The following IGF1R variants were observed in gnomAD, a reference collection of about 807,000 sequenced individuals.
IGF1R encodes the protein insulin-like growth factor 1 receptor.
Under a neutral mutation model 144.6 loss-of-function variants are expected in IGF1R, and 44 were observed. That is an observed-to-expected ratio of 0.30 (90% confidence interval 0.24 to 0.39). The LOEUF (loss-of-function observed/expected upper bound fraction) is 0.39, where lower values mean the gene tolerates loss of function less well. IGF1R is among the 10% of genes least tolerant of loss of function. The probability of loss-of-function intolerance (pLI) is 1.00; values close to 1 mark genes in which losing one functional copy is unlikely to be tolerated. For synonymous variants in IGF1R, 795 were observed against 722.8 expected (o/e 1.10, Z -1.60); for missense variants, 1,355 against 1,833.7 (o/e 0.74, Z 4.77).
rs1308976685 is a variant in IGF1R at position 98,908,795 on chromosome 15, A to G, written c.1358A>G (p.Lys453Arg). ...AGKMYFAFNP[K>R]LCVSEIYRME... Reference sequence around the variant, plus strand: ...AAAATGTACTTTGCTTTCAATCCCAAATTATGTGTTTCCGAAATTTACCGC... The same window carrying G: ...AAAATGTACTTTGCTTTCAATCCCAGATTATGTGTTTCCGAAATTTACCGC... Residue 453 changes from lysine (K) to arginine (R), a missense_variant, in exon 6 of 21, where the codon AAA (lysine) becomes AGA (arginine). This residue lies in a region of IGF1R where 880 missense variants were observed against 1,202.7 expected (regional missense o/e 0.73). Transcript: ENST00000650285. 3 of 1,614,134 alleles carry G rather than the reference A, an allele frequency of 1.9e-6. No homozygotes were observed. Among genetic ancestry groups the G allele is most frequent in the African/African-American group, 2.7e-5 (2 of 75,044 alleles).
At chr15:98,674,405 C>T (rs1345838458) in intron 1 of IGF1R, among the ~76,000 whole-genome samples, 32 of 152,176 alleles carry the variant, frequency 2.1e-4, no homozygotes, top group Admixed American at 2.1e-3. Flanking sequence ...AATATCATCA[C>T]CCTAGGCTTC....
At chr15:98,881,800 C>T (rs1397256916) in intron 2 of IGF1R, among the ~76,000 whole-genome samples, 1 of 152,192 alleles carries the variant, frequency 6.6e-6, no homozygotes, top group East Asian at 1.9e-4. Context: ...GATAATGATA[C>T]TGCCCCCTTG....
intron 2 of IGF1R, among the ~76,000 whole-genome samples, chr15:98,847,346 G>A (rs2011371038): frequency 6.6e-6 from 1 of 152,140 alleles, no homozygotes; most frequent in Admixed American, 6.5e-5. Context: ...TGCCGTGTCA[G>A]TCCATACCCT....
In IGF1R at chr15:98,961,026, C is replaced by T. The variant is rs745823551; in HGVS notation, c.*3584C>T. Reference sequence around the variant, plus strand: ...CTGATGATTTCGCTGGGAAGTGTGGCGGGCAGCTTTGCCTAAGCGTGGATG... The same window carrying T: ...CTGATGATTTCGCTGGGAAGTGTGGTGGGCAGCTTTGCCTAAGCGTGGATG... On this transcript the variant is annotated 3_prime_UTR_variant, in exon 21 of 21. Transcript: ENST00000650285. 2.1e-4 allele frequency: 49 copies of T among 233,612 alleles called. No homozygotes were observed. Among genetic ancestry groups the T allele is most frequent in the Middle Eastern group, 1.2e-3 (1 of 808 alleles). The allele number at this position is 233,612 out of a possible 1,614,324, so 14.5% of individuals were successfully genotyped here.
At chr15:98,951,488 T>A (rs1054744547) in intron 20 of IGF1R, among the ~76,000 whole-genome samples, 8 of 152,214 alleles carry the variant, frequency 5.3e-5, no homozygotes, top group African/African-American at 1.9e-4. Flanking sequence ...CAAAACCTAC[T>A]AGTTAAGAGC....
chr15:98,926,160 G>A (rs962036232), intron 13 of IGF1R, among the ~76,000 whole-genome samples: 9 of 151,836 alleles, frequency 5.9e-5, no homozygotes, highest in Non-Finnish European at 7.4e-5. Context: ...GAAAAATGTC[G>A]TTTGTGGCAA....
At chr15:98,655,994 A>G (rs1351150290) in intron 1 of IGF1R, among the ~76,000 whole-genome samples, 1 of 152,228 alleles carries the variant, frequency 6.6e-6, no homozygotes, top group African/African-American at 2.4e-5. Context: ...CCCCCAGCCT[A>G]CAAGAATTTG....
chr15:98,717,797 A>G (rs1405251521), intron 2 of IGF1R, among the ~76,000 whole-genome samples: 6 of 152,330 alleles, frequency 3.9e-5, no homozygotes, highest in African/African-American at 1.4e-4. Context: ...CATGGATAAC[A>G]TTAAAGTGGT....
intron 1 of IGF1R, among the ~76,000 whole-genome samples, chr15:98,654,814 G>C (rs936794203): frequency 1.3e-5 from 2 of 152,202 alleles, no homozygotes; most frequent in African/African-American, 4.8e-5. Context: ...TTGATTTCCA[G>C]TCTGAGATGT....
intron 7 of IGF1R, among the ~76,000 whole-genome samples, chr15:98,911,863 A>G (rs549398811): frequency 3.3e-5 from 5 of 152,206 alleles, no homozygotes; most frequent in African/African-American, 1.2e-4. Context: ...CTTTTGTATC[A>G]TCTTATTCCT....
In IGF1R at chr15:98,847,469, A is replaced by G. The variant is rs188282414; in HGVS notation, c.641-43856A>G. ...CTGCCTGCATTTGAATCTGCTTTCTACCACTTACTTACATCAGGTTTTCCT... is the reference window on the plus strand; with the variant it reads ...CTGCCTGCATTTGAATCTGCTTTCTGCCACTTACTTACATCAGGTTTTCCT... On this transcript the variant is annotated intron_variant, in intron 2 of 20. Transcript: ENST00000650285. Among the ~76,000 whole-genome samples the G allele has an allele frequency of 2.3e-3, 351 of 152,284 alleles. 3 individuals carry two copies. Among genetic ancestry groups the G allele is most frequent in the African/African-American group, 7.2e-3 (300 of 41,550 alleles).
intron 2 of IGF1R, among the ~76,000 whole-genome samples, chr15:98,784,202 T>A (rs2055931592): frequency 6.6e-6 from 1 of 152,014 alleles, no homozygotes. Context: ...TTCAAAGTGC[T>A]GGGATTACAG....
chr15:98,959,542 A>G lies in IGF1R; in HGVS notation c.*2100A>G, dbSNP rs1439547014. 3 of 233,424 alleles carry G rather than the reference A, an allele frequency of 1.3e-5. No homozygotes were observed. The highest frequency in any genetic ancestry group is 1.7e-5 in the Non-Finnish European group (2 of 118,022). The allele number at this position is 233,424 out of a possible 1,614,324, so 14.5% of individuals were successfully genotyped here. A position where few individuals can be genotyped will look rare whatever the true frequency, so the allele number is the denominator to read the frequency against. On this transcript the variant is annotated 3_prime_UTR_variant, in exon 21 of 21. Coordinates refer to ENST00000650285, the MANE Select transcript of IGF1R (RefSeq NM_000875.5). ...GGCAGCACAGACGCCACGGTGGCCC[A>G]AGAGCCCCTTTGCTTCTTGCTGGGG...
intron 1 of IGF1R, among the ~76,000 whole-genome samples, chr15:98,661,325 C>T (rs1249848633): frequency 2.0e-5 from 3 of 152,182 alleles, no homozygotes; most frequent in African/African-American, 7.2e-5. Context: ...GTGAGGCCAG[C>T]TCCCGACCTC....
chr15:98,710,917 G>C (rs528181441), intron 2 of IGF1R, among the ~76,000 whole-genome samples: 1 of 152,070 alleles, frequency 6.6e-6, no homozygotes, highest in Non-Finnish European at 1.5e-5. Flanking sequence ...TGATCCGCCC[G>C]CCTCAGCCTC....
In IGF1R at chr15:98,916,141, C is replaced by T. The variant is rs2015234459; in HGVS notation, c.1996+10C>T. 2 of 1,613,860 alleles carry T rather than the reference C, an allele frequency of 1.2e-6. No individual in the cohort carries two copies. The highest frequency in any genetic ancestry group is 1.7e-6 in the Non-Finnish European group (2 of 1,179,806). Reference sequence around the variant, plus strand: ...AATTACTGCTCCAAAGGTAAGGGTGCAGCAGCGGCCTGGACGGAGGGTGTG... The same window carrying T: ...AATTACTGCTCCAAAGGTAAGGGTGTAGCAGCGGCCTGGACGGAGGGTGTG... On this transcript the variant is annotated intron_variant, in intron 9 of 20. Coordinates refer to ENST00000650285, the MANE Select transcript of IGF1R (RefSeq NM_000875.5).
intron 3 of IGF1R, among the ~76,000 whole-genome samples, chr15:98,894,929 G>T (rs1204706429): frequency 6.6e-6 from 1 of 151,610 alleles, no homozygotes; most frequent in African/African-American, 2.4e-5. Flanking sequence ...GCTGAGGCAG[G>T]AGAATCACTT....
chr15:98,677,662 G>C (rs531209835), intron 1 of IGF1R, among the ~76,000 whole-genome samples: 2 of 152,154 alleles, frequency 1.3e-5, no homozygotes, highest in African/African-American at 4.8e-5. Context: ...TTTTGTCCTC[G>C]TGAACACAAG....
In IGF1R at chr15:98,707,773, C is replaced by T; in HGVS notation, c.306C>T (p.Asn102=). 6.2e-7 allele frequency: 1 copy of T among 1,614,180 alleles called. No homozygotes were observed. Among genetic ancestry groups the T allele is most frequent in the African/African-American group, 1.3e-5 (1 of 75,026 alleles). Residue 102 remains asparagine, a synonymous_variant, in exon 2 of 21, where the codon AAC becomes AAT. Coordinates refer to ENST00000650285, the MANE Select transcript of IGF1R (RefSeq NM_000875.5). The surrounding 1 kb of genome is among the most constrained non-coding windows in gnomAD (Gnocchi z 6.7). The stretch of plus-strand genomic sequence containing the variant: ...AGAGCCTCGGAGACCTCTTCCCCAA[C>T]CTCACGGTCATCCGCGGCTGGAAAC... ...GLESLGDLFP[N]LTVIRGWKLF...
Sources: gnomAD v4.1 joint callset for allele counts (sites outside exome capture counted in the v4.1 genomes callset) on GRCh38, gnomAD v4.1.1 for gene constraint, gnomAD v4.1.1 regional missense constraint, Gnocchi (gnomAD v3.1) non-coding constraint, MANE v1.5 for transcripts, NCBI Gene and HGNC (gene_info 2026-07-23, HGNC 2026-07-21) for gene names.